STAG1: variants seen among roughly 807,000 people sequenced by gnomAD.
STAG1 encodes cohesin subunit SA-1.
In STAG1, 26 loss-of-function variants were observed where a neutral mutation model predicts 170.9. The observed-to-expected ratio is 0.15, with a 90% CI of 0.11 to 0.21. STAG1 has a LOEUF of 0.21. STAG1 is among the 10% of genes least tolerant of loss of function. The pLI, the probability that STAG1 is intolerant of heterozygous loss-of-function variation, is 1.00. For missense variants in STAG1, 964 were observed against 1,509.5 expected (o/e 0.64, Z 5.99); for synonymous variants, 514 against 497.7 (o/e 1.03, Z -0.44).
intron 1 of STAG1, among the ~76,000 whole-genome samples, chr3:136,647,557 G>T (rs368986075): frequency 6.6e-6 from 1 of 151,512 alleles, no homozygotes. Flanking sequence ...CAACAAGAGC[G>T]AAACTCGGTC....
At chr3:136,643,448 G>C (rs1940877730) in intron 1 of STAG1, among the ~76,000 whole-genome samples, 1 of 152,184 alleles carries the variant, frequency 6.6e-6, no homozygotes, top group Non-Finnish European at 1.5e-5. Context: ...TGACACTTCA[G>C]CTAAGACTTG....
chr3:136,373,587 T>C (rs1937463857), intron 23 of STAG1, among the ~76,000 whole-genome samples: 1 of 152,232 alleles, frequency 6.6e-6, no homozygotes, highest in African/African-American at 2.4e-5. Context: ...TCTTTATTTC[T>C]GCCTTCATTT....
intron 3 of STAG1, among the ~76,000 whole-genome samples, chr3:136,618,330 G>A (rs557005274): frequency 1.6e-4 from 24 of 152,298 alleles, no homozygotes; most frequent in East Asian, 7.7e-4. Context: ...CGCCACATGC[G>A]TCAGGGATAA....
At chr3:136,355,003 T>C (rs1269457166) in intron 28 of STAG1, among the ~76,000 whole-genome samples, 1 of 151,946 alleles carries the variant, frequency 6.6e-6, no homozygotes, top group South Asian at 2.1e-4. Context: ...AAAAATGTCT[T>C]AGAGAATGAC....
intron 3 of STAG1, among the ~76,000 whole-genome samples, chr3:136,616,494 A>T (rs574532554): frequency 6.2e-4 from 95 of 152,350 alleles, no homozygotes; most frequent in African/African-American, 2.2e-3. Flanking sequence ...CAGCTTAAAA[A>T]GAAGTCCAAC....
intron 1 of STAG1, among the ~76,000 whole-genome samples, chr3:136,687,019 T>C (rs548091164): frequency 5.9e-5 from 9 of 152,304 alleles, no homozygotes; most frequent in African/African-American, 1.9e-4. Flanking sequence ...GACCATCCAG[T>C]TGGATGCATG....
intron 14 of STAG1, among the ~76,000 whole-genome samples, chr3:136,447,818 C>T (rs1409257012): frequency 1.3e-5 from 2 of 151,854 alleles, no homozygotes; most frequent in African/African-American, 2.4e-5. Flanking sequence ...GGGGTTTCAC[C>T]GTGTTAGCCA....
intron 15 of STAG1, among the ~76,000 whole-genome samples, chr3:136,441,985 C>T (rs113978624): frequency 1.3e-5 from 2 of 152,118 alleles, no homozygotes; most frequent in Admixed American, 1.3e-4. Flanking sequence ...ATCACCTGAG[C>T]TCAGGAGTTC....
chr3:136,685,893 G>A (rs1316756818), intron 1 of STAG1, among the ~76,000 whole-genome samples: 1 of 147,128 alleles, frequency 6.8e-6, no homozygotes, highest in African/African-American at 2.6e-5. Flanking sequence ...CACAAAGACT[G>A]AGGTGGTCTT....
At chr3:136,622,888 T>G (rs1215189111) in intron 3 of STAG1, among the ~76,000 whole-genome samples, 1 of 152,228 alleles carries the variant, frequency 6.6e-6, no homozygotes, top group Non-Finnish European at 1.5e-5. Flanking sequence ...CCTCATTCAC[T>G]GTTAGTGACC....
chr3:136,352,328 A>C (rs141948986), intron 28 of STAG1, among the ~76,000 whole-genome samples: 160 of 152,036 alleles, frequency 1.1e-3, no homozygotes, highest in African/African-American at 3.4e-3. Context: ...TGCCCAGCTA[A>C]TTTTTGTATT....
At chr3:136,368,109 T>C (rs1937150615) in intron 24 of STAG1, among the ~76,000 whole-genome samples, 1 of 152,140 alleles carries the variant, frequency 6.6e-6, no homozygotes, top group Non-Finnish European at 1.5e-5. Context: ...TTTTTTTGCT[T>C]AAGACAAGTA....
chr3:136,702,131 C>G (rs866518946), intron 1 of STAG1, among the ~76,000 whole-genome samples: 1,205 of 87,456 alleles, frequency 0.014, 15 homozygotes, highest in African/African-American at 0.062. Context: ...GACAGAGAGA[C>G]AGAGAGACAG....
chr3:136,632,058 T>C (rs1940352293), intron 1 of STAG1, among the ~76,000 whole-genome samples: 1 of 152,174 alleles, frequency 6.6e-6, no homozygotes. Context: ...AGTATCAGTC[T>C]TCCTAATGGA....
chr3:136,551,428 A>ATTTTTTT (rs57299539), intron 5 of STAG1, among the ~76,000 whole-genome samples: 2,449 of 117,312 alleles, frequency 0.021, 114 homozygotes, highest in East Asian at 0.049. Context: ...CATCTGGCTA[A>ATTTTTTT]TTTTTTTTTT....
At chr3:136,588,869 TCTC>T (rs1376485221) in intron 4 of STAG1, among the ~76,000 whole-genome samples, 1 of 152,072 alleles carries the variant, frequency 6.6e-6, no homozygotes, top group African/African-American at 2.4e-5. Flanking sequence ...TTCAAGCAAT[TCTC>T]CTGCTTCAGC....
chr3:136,368,323 A>C (rs1937158794), intron 24 of STAG1, among the ~76,000 whole-genome samples: 1 of 152,172 alleles, frequency 6.6e-6, no homozygotes, highest in Non-Finnish European at 1.5e-5. Context: ...ATTTACAACT[A>C]ATCATTAACA....
At chr3:136,444,573 A>C (rs1418005397) in intron 14 of STAG1, among the ~76,000 whole-genome samples, 1 of 152,248 alleles carries the variant, frequency 6.6e-6, no homozygotes, top group Non-Finnish European at 1.5e-5. Flanking sequence ...TTCTTGGGTT[A>C]TTAAACCAAT....
chr3:136,349,403 C>T (rs751264279), intron 28 of STAG1, 40 bp from the exon 29 acceptor site: 1 of 1,462,860 alleles, frequency 6.8e-7, no homozygotes, highest in Non-Finnish European at 9.6e-7. Context: ...TTCAGAGAAG[C>T]AGTTCATACA....
Sources: gnomAD v4.1 joint callset for allele counts (sites outside exome capture counted in the v4.1 genomes callset) on GRCh38, gnomAD v4.1.1 for gene constraint, MANE v1.5 for transcripts, NCBI Gene and HGNC (gene_info 2026-07-23, HGNC 2026-07-21) for gene names.